MYH16: variants seen among roughly 807,000 people sequenced by gnomAD.
MYH16 encodes putative uncharacterized protein MYH16.
chr7:99,295,820 G>A (rs1316789908), intron 33 of MYH16, among the ~76,000 whole-genome samples: 1 of 141,246 alleles, frequency 7.1e-6, no homozygotes, highest in Non-Finnish European at 1.5e-5. Context: ...GTGACAGAGT[G>A]AGACCTCATC....
At chr7:99,257,897 T>A (rs1420804549) in intron 10 of MYH16, among the ~76,000 whole-genome samples, 1 of 152,186 alleles carries the variant, frequency 6.6e-6, no homozygotes, top group Non-Finnish European at 1.5e-5. Flanking sequence ...TCCTCCTACC[T>A]TAACCTCCCA....
At chr7:99,279,217 G>A (rs1328526703) in intron 21 of MYH16, among the ~76,000 whole-genome samples, 3 of 151,654 alleles carry the variant, frequency 2.0e-5, no homozygotes, top group Non-Finnish European at 1.5e-5. Context: ...AACTTAGCTG[G>A]GCATTGCAGT....
At chr7:99,269,627 C>G (rs1173026508) in intron 18 of MYH16, among the ~76,000 whole-genome samples, 1 of 152,090 alleles carries the variant, frequency 6.6e-6, no homozygotes, top group East Asian at 1.9e-4. Flanking sequence ...GCAGGTCGTG[C>G]TTGGTTTTGA....
At chr7:99,243,051 G>A (rs1452703924) in intron 1 of MYH16, among the ~76,000 whole-genome samples, 1 of 152,346 alleles carries the variant, frequency 6.6e-6, no homozygotes, top group African/African-American at 2.4e-5. Context: ...AACCTGCCAA[G>A]GAGGCTACTG....
At chr7:99,245,460 C>A (rs1791716478) in intron 2 of MYH16, among the ~76,000 whole-genome samples, 1 of 152,082 alleles carries the variant, frequency 6.6e-6, no homozygotes, top group African/African-American at 2.4e-5. Flanking sequence ...ATAGATTTGG[C>A]CATTTCCTGT....
At chr7:99,267,952 G>A (rs1475490183) in intron 18 of MYH16, among the ~76,000 whole-genome samples, 2 of 152,162 alleles carry the variant, frequency 1.3e-5, no homozygotes, top group Non-Finnish European at 2.9e-5. Context: ...AAGTTCTCAC[G>A]CATGACGCAG....
chr7:99,298,766 G>A (rs11769124), intron 36 of MYH16, among the ~76,000 whole-genome samples: 16,445 of 140,652 alleles, frequency 0.12, 2,433 homozygotes, highest in African/African-American at 0.39. Context: ...TTGTCTTGTC[G>A]CTTTTTTTTT....
intron 20 of MYH16, among the ~76,000 whole-genome samples, chr7:99,275,086 C>T (rs933568634): frequency 3.9e-5 from 6 of 152,086 alleles, no homozygotes; most frequent in African/African-American, 1.4e-4. Flanking sequence ...CCTCTAACTC[C>T]GGGCTCAAGC....
At chr7:99,294,567 A>ATATTT (rs1792450382) in intron 33 of MYH16, among the ~76,000 whole-genome samples, 1 of 143,606 alleles carries the variant, frequency 7.0e-6, no homozygotes, top group African/African-American at 2.6e-5. Flanking sequence ...ATATATATAT[A>ATATTT]TTTTTTTTCT....
At chr7:99,242,382 C>T (rs1230464310) in intron 1 of MYH16, among the ~76,000 whole-genome samples, 1 of 152,004 alleles carries the variant, frequency 6.6e-6, no homozygotes, top group African/African-American at 2.4e-5. Context: ...TGGCTCACAC[C>T]TGTAACACTT....
At chr7:99,249,479 C>A (rs1244611791) in intron 4 of MYH16, among the ~76,000 whole-genome samples, 16 of 139,624 alleles carry the variant, frequency 1.1e-4, no homozygotes, top group African/African-American at 4.2e-4. Context: ...GTTGAGGCTG[C>A]AGTGAGCTAT....
exon 21 of MYH16, chr7:99,277,613 G>T: frequency 2.2e-6 from 1 of 457,114 alleles, no homozygotes; most frequent in Non-Finnish European, 4.4e-6. Context: ...GGAAAGCCAT[G>T]GCCCAAACCC....
chr7:99,310,477 A>T (rs148347853), downstream of MYH16, among the ~76,000 whole-genome samples: 839 of 152,334 alleles, frequency 5.5e-3, 8 homozygotes, highest in African/African-American at 0.017. Flanking sequence ...ATCCCAGGGC[A>T]CTGCACTCTG....
chr7:99,242,596 C>A (rs1386627480), intron 1 of MYH16, among the ~76,000 whole-genome samples: 1 of 152,092 alleles, frequency 6.6e-6, no homozygotes, highest in African/African-American at 2.4e-5. Context: ...TATGACTGTA[C>A]CACTGAACTC....
At chr7:99,242,838 C>T (rs1255023493) in intron 1 of MYH16, among the ~76,000 whole-genome samples, 1 of 151,980 alleles carries the variant, frequency 6.6e-6, no homozygotes, top group Admixed American at 6.6e-5. Context: ...TCGAAATCAC[C>T]GCTAACTCTC....
At chr7:99,283,392 G>T (rs1292768573) in intron 23 of MYH16, among the ~76,000 whole-genome samples, 173 bp from the exon 6 acceptor site, 1 of 152,212 alleles carries the variant, frequency 6.6e-6, no homozygotes, top group Non-Finnish European at 1.5e-5. Context: ...TGGTCCATCT[G>T]CTCTGGCCTT....
At chr7:99,285,386 G>A (rs370790738) in exon 27 of MYH16, 79 of 456,740 alleles carry the variant, frequency 1.7e-4, no homozygotes, top group African/African-American at 1.3e-3. Flanking sequence ...TGCTAGGACC[G>A]AATTGAAGAG....
At chr7:99,294,533 AAAAG>A (rs1792447170) in intron 33 of MYH16, among the ~76,000 whole-genome samples, 3 of 119,228 alleles carry the variant, frequency 2.5e-5, no homozygotes, top group African/African-American at 1.6e-4. Context: ...AAGAAAAAGA[AAAAG>A]AAAAAAAGAA....
At chr7:99,256,805 G>A (rs1791877843) in intron 9 of MYH16, among the ~76,000 whole-genome samples, 1 of 151,888 alleles carries the variant, frequency 6.6e-6, no homozygotes, top group South Asian at 2.1e-4. Context: ...AACAAAATTA[G>A]CCAGGTGTGG....
Sources: allele counts gnomAD v4.1 joint callset (sites outside exome capture counted in the v4.1 genomes callset), GRCh38; gene constraint gnomAD v4.1.1; transcripts MANE v1.5; gene names NCBI Gene and HGNC (gene_info 2026-07-23, HGNC 2026-07-21).